RNF217: variants seen among roughly 807,000 people sequenced by gnomAD.
The protein encoded by RNF217 is E3 ubiquitin-protein ligase RNF217.
In RNF217, 31 loss-of-function variants were observed where a neutral mutation model predicts 57.8. That is an observed-to-expected ratio of 0.54 (90% confidence interval 0.40 to 0.72). The LOEUF is 0.72. Among genes scored for constraint, RNF217 ranks in the 30% least tolerant of loss-of-function variants. The pLI, the probability that RNF217 is intolerant of heterozygous loss-of-function variation, is 0.00. For missense variants in RNF217, 696 were observed against 708.3 expected (o/e 0.98, Z 0.20); for synonymous variants, 313 against 294.0 (o/e 1.06, Z -0.66).
At chr6:125,044,143 A>G (rs986333403) in intron 1 of RNF217, among the ~76,000 whole-genome samples, 1 of 151,804 alleles carries the variant, frequency 6.6e-6, no homozygotes, top group African/African-American at 2.4e-5. Flanking sequence ...CAGTCTTCAT[A>G]GCATGCTTTT....
At chr6:124,965,524 G>C (rs992342770) in intron 1 of RNF217, among the ~76,000 whole-genome samples, 2 of 152,134 alleles carry the variant, frequency 1.3e-5, no homozygotes, top group African/African-American at 2.4e-5. Flanking sequence ...AGTGAGCCAA[G>C]ATCACATGAT....
At chr6:125,032,772 G>A (rs746869843) in intron 1 of RNF217, among the ~76,000 whole-genome samples, 6 of 152,092 alleles carry the variant, frequency 3.9e-5, no homozygotes, top group Non-Finnish European at 7.4e-5. Context: ...ATTTGCATAA[G>A]AGGATAAGGG....
intron 1 of RNF217, among the ~76,000 whole-genome samples, chr6:124,998,575 G>A (rs528293699): frequency 1.3e-5 from 2 of 152,134 alleles, no homozygotes; most frequent in Non-Finnish European, 2.9e-5. Flanking sequence ...CAAGGTGGGC[G>A]GATCATGAGG....
At chr6:125,009,101 C>A in intron 1 of RNF217, 1 of 757,422 alleles carries the variant, frequency 1.3e-6, no homozygotes, top group Non-Finnish European at 2.0e-6. Context: ...CCTGAACAGA[C>A]GTGTTAGAAA....
chr6:125,057,688 C>T (rs1415931635), intron 2 of RNF217, among the ~76,000 whole-genome samples: 1 of 152,138 alleles, frequency 6.6e-6, no homozygotes, highest in Non-Finnish European at 1.5e-5. Context: ...GGGAGATTTT[C>T]TTAAAGCTAA....
chr6:125,014,140 T>C (rs960831074), intron 1 of RNF217, among the ~76,000 whole-genome samples: 3 of 152,226 alleles, frequency 2.0e-5, no homozygotes, highest in African/African-American at 7.2e-5. Flanking sequence ...TTACATTGTT[T>C]TCCCTGGAGT....
At chr6:124,970,023 A>G (rs1279912537) in intron 1 of RNF217, among the ~76,000 whole-genome samples, 1 of 152,188 alleles carries the variant, frequency 6.6e-6, no homozygotes, top group African/African-American at 2.4e-5. Flanking sequence ...CAGGAATCGC[A>G]AGGAGATCTG....
At chr6:125,065,912 A>G (rs1431760589) in intron 3 of RNF217, among the ~76,000 whole-genome samples, 1 of 152,156 alleles carries the variant, frequency 6.6e-6, no homozygotes, top group Non-Finnish European at 1.5e-5. Context: ...AACCGGATCT[A>G]ATAGACTTCT....
At chr6:124,991,183 C>G (rs868420987) in intron 1 of RNF217, among the ~76,000 whole-genome samples, 11 of 152,198 alleles carry the variant, frequency 7.2e-5, no homozygotes, top group African/African-American at 2.7e-4. Context: ...TTCCCCCACC[C>G]TGTTTCCTTT....
chr6:124,970,664 A>T (rs759291250), intron 1 of RNF217, among the ~76,000 whole-genome samples: 1 of 152,232 alleles, frequency 6.6e-6, no homozygotes, highest in Non-Finnish European at 1.5e-5. Context: ...TAAAGCTATT[A>T]GACTGGATGA....
At chr6:125,039,821 A>G (rs1786801573) in intron 1 of RNF217, among the ~76,000 whole-genome samples, 1 of 152,224 alleles carries the variant, frequency 6.6e-6, no homozygotes, top group South Asian at 2.1e-4. Context: ...ACCACATAGA[A>G]ATTGAACAAC....
In RNF217 at chr6:125,074,317, A is replaced by ATAGGTAGATAGATAGATAGT. The variant is rs1483874391; in HGVS notation, c.1282-2337_1282-2336insGTAGATAGATAGATAGTTAG. Among the ~76,000 whole-genome samples the ATAGGTAGATAGATAGATAGT allele has an allele frequency of 2.9e-3, 428 of 148,646 alleles. 2 individuals carry two copies. Among genetic ancestry groups the ATAGGTAGATAGATAGATAGT allele is most frequent in the African/African-American group, 0.01 (414 of 41,194 alleles). ...GATAGGTAGATAGATAGATAGATAG[A>ATAGGTAGATAGATAGATAGT]TAGATAGATAGATAGATAGATAGAT... On this transcript the variant is annotated intron_variant, in intron 3 of 5. Transcript: ENST00000521654.
intron 1 of RNF217, among the ~76,000 whole-genome samples, chr6:125,023,661 T>C (rs1785946088): frequency 6.6e-6 from 1 of 152,130 alleles, no homozygotes. Flanking sequence ...AGCCAAGATA[T>C]GGAAACCACC....
In RNF217 at chr6:125,076,874, A is replaced by G. The variant is rs745457759; in HGVS notation, c.1483+16A>G. The stretch of plus-strand genomic sequence containing the variant: ...TCAGTCTGTGGTGAGTGTCTGACAT[A>G]CTTATGGGTGTCTTCCCTGGGAATT... On this transcript the variant is annotated intron_variant, in intron 4 of 5. Transcript: ENST00000521654. 6.2e-7 allele frequency: 1 copy of G among 1,601,950 alleles called. No individual in the cohort carries two copies.
At chr6:125,054,347 C>A (rs1367387382) in intron 2 of RNF217, among the ~76,000 whole-genome samples, 3 of 152,180 alleles carry the variant, frequency 2.0e-5, no homozygotes, top group Non-Finnish European at 4.4e-5. Context: ...CCATGGGGAG[C>A]AGGAAGGGCA....
chr6:125,071,548 A>T, intron 3 of RNF217, among the ~76,000 whole-genome samples: 1 of 137,742 alleles, frequency 7.3e-6, no homozygotes, highest in African/African-American at 2.6e-5. Flanking sequence ...ATATCTTATT[A>T]CAGGTTTTAA....
At chr6:125,068,245 G>A (rs1186628005) in intron 3 of RNF217, among the ~76,000 whole-genome samples, 1 of 152,092 alleles carries the variant, frequency 6.6e-6, no homozygotes, top group East Asian at 1.9e-4. Context: ...AATGTAGAGT[G>A]AGGAATGCTG....
intron 1 of RNF217, among the ~76,000 whole-genome samples, chr6:125,017,755 T>C (rs1785667248): frequency 6.6e-6 from 1 of 152,214 alleles, no homozygotes; most frequent in Non-Finnish European, 1.5e-5. Context: ...ACTGTATTTT[T>C]TTATTGTGGG....
At position 125,079,474 on chromosome 6, in the gene RNF217, TGAA is replaced by T. The variant is rs1329484316; in HGVS notation, c.1484-1958_1484-1956del. 4.6e-5 allele frequency among the ~76,000 whole-genome samples: 7 copies of T among 151,256 alleles called. 1 individual carries two copies. The East Asian group carries it at 1.4e-3, about 29-fold the overall frequency. On this transcript the variant is annotated intron_variant, in intron 4 of 5. Transcript: ENST00000521654. ...AAAAAGACAAGCCTGGAGCCAGAAT[TGAA>T]GAAATACAAATAGCCAATACATATG... is the stretch of plus-strand genomic sequence containing the variant.
Sources: allele counts gnomAD v4.1 joint callset (sites outside exome capture counted in the v4.1 genomes callset), GRCh38; gene constraint gnomAD v4.1.1; transcripts MANE v1.5; gene names NCBI Gene and HGNC (gene_info 2026-07-23, HGNC 2026-07-21).